DAAM2: variants seen among roughly 807,000 people sequenced by gnomAD.
The protein encoded by DAAM2 is dishevelled associated activator of morphogenesis 2.
A neutral mutation model predicts 120.7 loss-of-function variants in DAAM2; 39 were observed. That is an observed-to-expected ratio of 0.32 (90% CI 0.25 to 0.42). The LOEUF (loss-of-function observed/expected upper bound fraction) is 0.42, where lower values mean the gene tolerates loss of function less well. Ranked by LOEUF, DAAM2 falls within the 10% of genes least tolerant of loss-of-function variation. The pLI, the probability that DAAM2 is intolerant of heterozygous loss-of-function variation, is 1.00. For missense variants in DAAM2, 1,283 were observed against 1,401.7 expected (o/e 0.92, Z 1.35); for synonymous variants, 488 against 524.9 (o/e 0.93, Z 0.96).
intron 1 of DAAM2, among the ~76,000 whole-genome samples, chr6:39,854,223 A>AT (rs751768575): frequency 1.3e-5 from 2 of 152,148 alleles, no homozygotes; most frequent in Non-Finnish European, 2.9e-5. Context: ...TTCCATCAGT[A>AT]TTTTTTGACT....
intron 11 of DAAM2, among the ~76,000 whole-genome samples, chr6:39,875,673 G>A (rs1764841338): frequency 1.3e-5 from 2 of 152,208 alleles, no homozygotes; most frequent in South Asian, 4.1e-4. Flanking sequence ...ATGTGGCTAT[G>A]GAGTACTTGA....
chr6:39,823,150 T>A (rs1031107697), intron 1 of DAAM2: 6 of 152,212 alleles, frequency 3.9e-5, no homozygotes, highest in African/African-American at 1.4e-4. Context: ...CCTAAAATGA[T>A]AGTTTTTAAC....
intron 21 of DAAM2, among the ~76,000 whole-genome samples, chr6:39,898,015 A>G (rs1165193727): frequency 2.0e-5 from 3 of 152,224 alleles, no homozygotes; most frequent in Non-Finnish European, 4.4e-5. Context: ...AAAACCAAAC[A>G]AAGACAATTT....
chr6:39,900,333 C>G, intron 23 of DAAM2, 125 bp downstream of exon 23: 1 of 1,107,894 alleles, frequency 9.0e-7, no homozygotes, highest in Non-Finnish European at 1.3e-6. Flanking sequence ...GAGAGAAAAC[C>G]GTTTCTTCGC....
At chr6:39,851,914 G>A (rs1177000011) in intron 1 of DAAM2, among the ~76,000 whole-genome samples, 1 of 152,250 alleles carries the variant, frequency 6.6e-6, no homozygotes, top group African/African-American at 2.4e-5. Flanking sequence ...CAGGCAATGT[G>A]CTTTCACTAC....
At chr6:39,848,895 G>C (rs1227158434) in intron 1 of DAAM2, 1 of 152,158 alleles carries the variant, frequency 6.6e-6, no homozygotes, top group Non-Finnish European at 1.5e-5. Context: ...TTCTTCGTCT[G>C]TAAAAAGAGA....
intron 9 of DAAM2, 95 bp from the exon 10 acceptor site, chr6:39,873,143 G>A: frequency 1.3e-6 from 1 of 783,438 alleles, no homozygotes; most frequent in Non-Finnish European, 2.2e-6. Flanking sequence ...CCTTTCCTAT[G>A]AGACAGGGCA....
At chr6:39,796,958 G>A (rs572284639) in intron 1 of DAAM2, among the ~76,000 whole-genome samples, 2 of 152,174 alleles carry the variant, frequency 1.3e-5, no homozygotes, top group African/African-American at 2.4e-5. Context: ...TTCTAAGTCC[G>A]TGAAAATACA....
At position 39,897,327 on chromosome 6, in the gene DAAM2, A is replaced by AT. The variant is rs1447307580; in HGVS notation, c.2618+47dup. The AT allele has an allele frequency of 3.9e-6, 5 of 1,278,796 alleles. No homozygotes were observed. The African/African-American group carries it at 4.4e-5, about 11-fold the overall frequency. The allele number at this position is 1,278,796 out of a possible 1,614,324, so 79.2% of individuals were successfully genotyped here. ...CTTCCTTCTCCCCATGATGACCCTC[A>AT]TTCTTGTCTTACTTTCCTCTTTTGG... On this transcript the variant is annotated intron_variant, in intron 21 of 24. Coordinates refer to ENST00000274867, the MANE Select transcript of DAAM2 (RefSeq NM_001201427.2).
At chr6:39,828,065 G>A (rs530472246) in intron 1 of DAAM2, among the ~76,000 whole-genome samples, 1 of 152,326 alleles carries the variant, frequency 6.6e-6, no homozygotes, top group African/African-American at 2.4e-5. Context: ...TGTCCCTGAT[G>A]AAGCACTGAG....
intron 1 of DAAM2, among the ~76,000 whole-genome samples, chr6:39,828,615 T>G (rs1481262670): frequency 2.8e-5 from 4 of 144,566 alleles, no homozygotes; most frequent in Non-Finnish European, 6.0e-5. Flanking sequence ...CAGGCTGGAG[T>G]GCAATGGTGC....
intron 10 of DAAM2, 138 bp from the exon 11 acceptor site, chr6:39,875,192 C>T (rs1764819763): frequency 1.2e-6 from 1 of 861,226 alleles, no homozygotes; most frequent in African/African-American, 1.7e-5. Flanking sequence ...AATGGCATTG[C>T]CTCTTCTTCT....
In DAAM2 at chr6:39,882,852, G is replaced by T. The variant is rs189910128; in HGVS notation, c.1846-1110G>T. Reference sequence around the variant, plus strand: ...CTTCCCAGCCGGCATTCCACAAGAGGGTCCCTGGCCTTCAGAAGGCCACAG... The same window carrying T: ...CTTCCCAGCCGGCATTCCACAAGAGTGTCCCTGGCCTTCAGAAGGCCACAG... On this transcript the variant is annotated intron_variant, in intron 14 of 24. Coordinates refer to ENST00000274867, the MANE Select transcript of DAAM2 (RefSeq NM_001201427.2). Among the ~76,000 whole-genome samples the T allele has an allele frequency of 4.2e-3, 636 of 152,142 alleles. 1 individual carries two copies. Among genetic ancestry groups the T allele is most frequent in the Non-Finnish European group, 6.4e-3 (432 of 68,012 alleles).
In DAAM2 at chr6:39,904,180, A is replaced by C. The variant is rs79447033; in HGVS notation, c.*2143A>C. Reference sequence around the variant, plus strand: ...GGACTATGGAAGCTGTTCAAGATACATTTGATCTTCAGAAAAGCAGAATTT... The same window carrying C: ...GGACTATGGAAGCTGTTCAAGATACCTTTGATCTTCAGAAAAGCAGAATTT... On this transcript the variant is annotated 3_prime_UTR_variant, in exon 25 of 25. Transcript: ENST00000274867. The C allele has an allele frequency of 6.6e-6, 3 of 456,582 alleles. No homozygotes were observed. Among genetic ancestry groups the C allele is most frequent in the Non-Finnish European group, 1.3e-5 (3 of 226,978 alleles). 28.3% of individuals were successfully genotyped at this position (456,582 alleles called of 1,614,324 possible). A position where few individuals can be genotyped will look rare whatever the true frequency, so the allele number is the denominator to read the frequency against.
intron 1 of DAAM2, among the ~76,000 whole-genome samples, chr6:39,809,793 G>T (rs751652097): frequency 1.1e-4 from 16 of 152,170 alleles, no homozygotes; most frequent in Non-Finnish European, 1.5e-5. Flanking sequence ...TTTATATTCA[G>T]CTATAGCCAC....
chr6:39,834,636 G>A (rs1214902066), intron 1 of DAAM2, among the ~76,000 whole-genome samples: 2 of 152,188 alleles, frequency 1.3e-5, no homozygotes, highest in South Asian at 2.1e-4. Flanking sequence ...AATAGGGGGA[G>A]ATTAACTCTC....
At chr6:39,851,323 G>A (rs1039030575) in intron 1 of DAAM2, among the ~76,000 whole-genome samples, 2 of 152,124 alleles carry the variant, frequency 1.3e-5, no homozygotes, top group Non-Finnish European at 2.9e-5. Context: ...TGTGACCTTA[G>A]GCAAGCTACT....
rs886263773 is a variant in DAAM2, at chr6:39,878,648, TG to T, written c.1545+63del. On this transcript the variant is annotated intron_variant, in intron 13 of 24. Coordinates refer to ENST00000274867, the MANE Select transcript of DAAM2 (RefSeq NM_001201427.2). This position sits in a 1 kb window ranked among gnomAD's most constrained non-coding sequence, Gnocchi z 5.0. Reference sequence around the variant, plus strand: ...CAAGACCCTGGGCTTCAGGACTGGGTGGGCAGAGCAGGTGTCGGAGAGGCCA... The same window carrying T: ...CAAGACCCTGGGCTTCAGGACTGGGTGGCAGAGCAGGTGTCGGAGAGGCCA... 1.3e-5 allele frequency: 20 copies of T among 1,519,998 alleles called. No individual in the cohort carries two copies. In the Admixed American group the frequency reaches 3.4e-4, roughly 26 times the overall value. 94.2% of individuals were successfully genotyped at this position (1,519,998 alleles called of 1,614,324 possible).
intron 1 of DAAM2, among the ~76,000 whole-genome samples, chr6:39,847,458 T>G (rs1203629065): frequency 6.6e-6 from 1 of 152,172 alleles, no homozygotes; most frequent in Non-Finnish European, 1.5e-5. Flanking sequence ...CCTCGGGTTC[T>G]CCTGTGTAGG....
Sources: allele counts gnomAD v4.1 joint callset (sites outside exome capture counted in the v4.1 genomes callset), GRCh38; gene constraint gnomAD v4.1.1; non-coding constraint Gnocchi (gnomAD v3.1); transcripts MANE v1.5; gene names NCBI Gene and HGNC (gene_info 2026-07-23, HGNC 2026-07-21).